The following ZBTB8A variants were observed in gnomAD, a reference collection of about 807,000 sequenced individuals.
The protein encoded by ZBTB8A is zinc finger and BTB domain-containing protein 8A.
ZBTB8A carries 19 observed loss-of-function variants against 37.8 expected under a neutral mutation model. The ratio of observed to expected loss-of-function variants is 0.50; its 90% CI spans 0.35 to 0.74. The LOEUF (loss-of-function observed/expected upper bound fraction) is 0.74, where lower values mean the gene tolerates loss of function less well. Among genes scored for constraint, ZBTB8A ranks in the 30% least tolerant of loss-of-function variants. The pLI is 0.01. For synonymous variants in ZBTB8A, 181 were observed against 185.2 expected (o/e 0.98, Z 0.19); for missense variants, 394 against 537.8 (o/e 0.73, Z 2.65).
At chr1:32,583,892 C>T (rs572521902) in intron 2 of ZBTB8A, among the ~76,000 whole-genome samples, 91 of 152,144 alleles carry the variant, frequency 6.0e-4, no homozygotes, top group Non-Finnish European at 1.2e-3. Context: ...TACAGAGGCC[C>T]GCCACCATGC....
intron 2 of ZBTB8A, among the ~76,000 whole-genome samples, chr1:32,578,231 A>ATT (rs561875455): frequency 0.023 from 3,096 of 135,026 alleles, 40 homozygotes; most frequent in Non-Finnish European, 0.03. Flanking sequence ...CTCCTGGCTA[A>ATT]TTTTTTTTTT....
In ZBTB8A at chr1:32,594,753, G is replaced by A. The variant is rs1374752906; in HGVS notation, c.824-301G>A. ...TGCACTCCAGCCTGGGCAACAGAGCGAAACTCTATCTCAAAAAAAAAAAAA... is the reference window on the plus strand; with the variant it reads ...TGCACTCCAGCCTGGGCAACAGAGCAAAACTCTATCTCAAAAAAAAAAAAA... On this transcript the variant is annotated intron_variant, in intron 3 of 4. Coordinates refer to ENST00000373510, the MANE Select transcript of ZBTB8A (RefSeq NM_001040441.3). Among the ~76,000 whole-genome samples the A allele has an allele frequency of 2.8e-5, 4 of 141,574 alleles. 1 individual carries two copies. Among genetic ancestry groups the A allele is most frequent in the African/African-American group, 7.9e-5 (3 of 38,090 alleles). 92.9% of individuals were successfully genotyped at this position (141,574 alleles called of 152,430 possible). A position where few individuals can be genotyped will look rare whatever the true frequency, so the allele number is the denominator to read the frequency against.
At chr1:32,542,794 A>G (rs1252611661) in intron 1 of ZBTB8A, among the ~76,000 whole-genome samples, 2 of 152,172 alleles carry the variant, frequency 1.3e-5, no homozygotes, top group African/African-American at 4.8e-5. Flanking sequence ...TGGGACTATT[A>G]TAATATTTAA....
chr1:32,543,975 C>G (rs192814737), intron 1 of ZBTB8A, among the ~76,000 whole-genome samples: 1 of 152,170 alleles, frequency 6.6e-6, no homozygotes, highest in African/African-American at 2.4e-5. Flanking sequence ...CACACCCAGA[C>G]TTGTTTGTTT....
At chr1:32,585,665 C>A (rs1228309392) in intron 2 of ZBTB8A, among the ~76,000 whole-genome samples, 2 of 151,970 alleles carry the variant, frequency 1.3e-5, no homozygotes, top group Non-Finnish European at 2.9e-5. Flanking sequence ...CAAACTGATG[C>A]TAATGTTTAT....
chr1:32,547,234 T>C (rs1644112606), intron 1 of ZBTB8A, among the ~76,000 whole-genome samples: 1 of 152,144 alleles, frequency 6.6e-6, no homozygotes, highest in South Asian at 2.1e-4. Context: ...ATCTGCAATG[T>C]ATTTTTCATC....
chr1:32,547,648 G>GAAAA (rs139684543), intron 1 of ZBTB8A, among the ~76,000 whole-genome samples: 8 of 126,706 alleles, frequency 6.3e-5, no homozygotes, highest in Non-Finnish European at 1.0e-4. Flanking sequence ...AAAAAAGAAA[G>GAAAA]AAAAAAAGGC....
At chr1:32,580,292 GC>G in intron 2 of ZBTB8A, among the ~76,000 whole-genome samples, 1 of 152,206 alleles carries the variant, frequency 6.6e-6, no homozygotes, top group Middle Eastern at 3.4e-3. Flanking sequence ...AGTGGCTCAT[GC>G]CTGTATATAA....
chr1:32,541,029 G>T (rs1644048735), intron 1 of ZBTB8A, among the ~76,000 whole-genome samples: 1 of 152,212 alleles, frequency 6.6e-6, no homozygotes, highest in African/African-American at 2.4e-5. Context: ...CAAAAACTTT[G>T]TAAGATAGAG....
intron 1 of ZBTB8A, among the ~76,000 whole-genome samples, chr1:32,551,829 T>G (rs1265488936): frequency 6.6e-6 from 1 of 152,218 alleles, no homozygotes; most frequent in Non-Finnish European, 1.5e-5. Context: ...TGCTTCTGCC[T>G]CCTGAAATGC....
chr1:32,570,481 T>A lies in ZBTB8A; in HGVS notation c.-2+16941T>A, dbSNP rs147860248. On this transcript the variant is annotated intron_variant, in intron 2 of 4. Coordinates refer to ENST00000373510, the MANE Select transcript of ZBTB8A (RefSeq NM_001040441.3). Reference sequence around the variant, plus strand: ...TGCTTGGATTTTGTTGGGATTACATTAATCCTGTACGTCCACTTGAATAGA... The same window carrying A: ...TGCTTGGATTTTGTTGGGATTACATAAATCCTGTACGTCCACTTGAATAGA... Among the ~76,000 whole-genome samples, 372 of 152,340 alleles carry A rather than the reference T, an allele frequency of 2.4e-3. 6 individuals carry two copies. The East Asian group carries it at 0.031, about 13-fold the overall frequency.
intron 2 of ZBTB8A, among the ~76,000 whole-genome samples, chr1:32,586,846 T>C (rs1644453318): frequency 6.6e-6 from 1 of 152,082 alleles, no homozygotes; most frequent in Non-Finnish European, 1.5e-5. Flanking sequence ...TGATAAACCA[T>C]TGGAAGGTTT....
At chr1:32,553,636 C>G (rs1644175036) in intron 2 of ZBTB8A, 96 bp downstream of exon 2, 1 of 152,060 alleles carries the variant, frequency 6.6e-6, no homozygotes, top group Non-Finnish European at 1.5e-5. Context: ...CCTATAATCC[C>G]AGCACTTTGG....
At position 32,600,987 on chromosome 1, in the gene ZBTB8A, A is replaced by G. The variant is rs1372801015; in HGVS notation, c.*568A>G. On this transcript the variant is annotated 3_prime_UTR_variant, in exon 5 of 5. Transcript: ENST00000373510. ...CGTTTAAGGATTATGGAAGAAGACT[A>G]AAGTGTTTGAAATCATTCATATTTG... 6.6e-6 allele frequency: 1 copy of G among 152,250 alleles called. No individual in the cohort carries two copies. Among genetic ancestry groups the G allele is most frequent in the Non-Finnish European group, 1.5e-5 (1 of 68,102 alleles). The allele number at this position is 152,250 out of a possible 1,614,324, so 9.4% of individuals were successfully genotyped here.
At chr1:32,579,094 G>GTC (rs1025132934) in intron 2 of ZBTB8A, among the ~76,000 whole-genome samples, 1 of 152,008 alleles carries the variant, frequency 6.6e-6, no homozygotes, top group Admixed American at 6.6e-5. Context: ...CTCTTCCAGG[G>GTC]TCTCTACTTT....
At position 32,602,932 on chromosome 1, in the gene ZBTB8A, A is replaced by G. The variant is rs1167642893; in HGVS notation, c.*2513A>G. 3 of 152,134 alleles carry G rather than the reference A, an allele frequency of 2.0e-5. No homozygotes were observed. Among genetic ancestry groups the G allele is most frequent in the Non-Finnish European group, 4.4e-5 (3 of 68,024 alleles). The allele number at this position is 152,134 out of a possible 1,614,324, so 9.4% of individuals were successfully genotyped here. A position where few individuals can be genotyped will look rare whatever the true frequency, so the allele number is the denominator to read the frequency against. ...ACTATTTTCTCTTGTTCTTTCATTA[A>G]TTATTGTCCTTGATACCAATTTCTA... is the stretch of plus-strand genomic sequence containing the variant. On this transcript the variant is annotated 3_prime_UTR_variant, in exon 5 of 5. Transcript: ENST00000373510.
chr1:32,596,573 A>G (rs113959858), intron 4 of ZBTB8A, among the ~76,000 whole-genome samples: 3 of 151,386 alleles, frequency 2.0e-5, no homozygotes, highest in Middle Eastern at 3.4e-3. Flanking sequence ...AGAGTGAGAC[A>G]CTGTCTAAAA....
intron 1 of ZBTB8A, among the ~76,000 whole-genome samples, chr1:32,544,067 T>C (rs1356581587): frequency 6.6e-6 from 1 of 152,180 alleles, no homozygotes; most frequent in African/African-American, 2.4e-5. Flanking sequence ...CCTCCTGGGC[T>C]CAACCAGTCC....
chr1:32,578,620 T>C (rs191971487), intron 2 of ZBTB8A, among the ~76,000 whole-genome samples: 1 of 152,248 alleles, frequency 6.6e-6, no homozygotes, highest in East Asian at 1.9e-4. Flanking sequence ...CCTTCTTTGC[T>C]AACTCTAGCA....
Sources: gnomAD v4.1 joint callset for allele counts (sites outside exome capture counted in the v4.1 genomes callset) on GRCh38, gnomAD v4.1.1 for gene constraint, MANE v1.5 for transcripts, NCBI Gene and HGNC (gene_info 2026-07-23, HGNC 2026-07-21) for gene names.